RB1: variants seen among roughly 807,000 people sequenced by gnomAD.
The protein encoded by RB1 is RB transcriptional corepressor 1, also known as retinoblastoma-associated protein.
RB1 carries 18 observed loss-of-function variants against 135.4 expected under a neutral mutation model. The observed-to-expected ratio is 0.13, with a 90% CI of 0.09 to 0.20. RB1 has a LOEUF of 0.20. Ranked by LOEUF, RB1 falls within the 10% of genes least tolerant of loss-of-function variation. The probability of loss-of-function intolerance (pLI) is 1.00; values close to 1 mark genes in which losing one functional copy is unlikely to be tolerated. For synonymous variants in RB1, 365 were observed against 373.2 expected, an observed-to-expected ratio of 0.98 and a Z score of 0.25; for missense variants, 868 against 1,110.0, an observed-to-expected ratio of 0.78 and a Z score of 3.10.
intron 6 of RB1, among the ~76,000 whole-genome samples, chr13:48,354,285 C>G (rs1952572450): frequency 6.6e-6 from 1 of 151,988 alleles, no homozygotes; most frequent in Non-Finnish European, 1.5e-5. Context: ...TTTCTGTATG[C>G]CAACAGTGAA....
At chr13:48,476,914 C>A (rs1020840287) in intron 25 of RB1, 71 bp downstream of exon 25, 1 of 1,565,722 alleles carries the variant, frequency 6.4e-7, no homozygotes, top group Non-Finnish European at 8.8e-7. Context: ...CTCAGCACTG[C>A]TCCTGGCTTA....
chr13:48,417,271 T>A (rs966762904), intron 17 of RB1: 4 of 152,880 alleles, frequency 2.6e-5, no homozygotes, highest in African/African-American at 9.6e-5. Context: ...CTGCTGGTGA[T>A]ATCCAGACAA....
intron 8 of RB1, among the ~76,000 whole-genome samples, chr13:48,363,209 T>TG (rs923231105): frequency 2.6e-5 from 4 of 152,038 alleles, no homozygotes; most frequent in African/African-American, 9.7e-5. Context: ...ATGTAGTTTT[T>TG]TTTTTTTTTT....
chr13:48,372,058 G>C (rs898745200), intron 11 of RB1, among the ~76,000 whole-genome samples: 2 of 152,076 alleles, frequency 1.3e-5, no homozygotes, highest in African/African-American at 2.4e-5. Context: ...ACTCTCCATG[G>C]TCCATGGAAA....
chr13:48,459,667 T>A, intron 19 of RB1, 21 bp from the exon 20 acceptor site: 1 of 1,613,834 alleles, frequency 6.2e-7, no homozygotes, highest in South Asian at 1.1e-5. Context: ...TAAAAATGAC[T>A]AATTTTTCTT....
chr13:48,436,073 A>G (rs1949180511), intron 17 of RB1, among the ~76,000 whole-genome samples: 1 of 152,204 alleles, frequency 6.6e-6, no homozygotes, highest in African/African-American at 2.4e-5. Context: ...TAGGTCCTGG[A>G]TGGAACTGAG....
chr13:48,304,661 A>G (rs776945018), intron 1 of RB1, among the ~76,000 whole-genome samples: 1 of 152,216 alleles, frequency 6.6e-6, no homozygotes, highest in Non-Finnish European at 1.5e-5. Context: ...TGGGGACTCA[A>G]AGCCATCTGT....
chr13:48,463,878 C>A (rs2138342900), intron 21 of RB1, 43 bp downstream of exon 21: 4 of 1,164,812 alleles, frequency 3.4e-6, no homozygotes, highest in Non-Finnish European at 5.2e-6. Flanking sequence ...AAATCCATAT[C>A]CATAACATAA....
intron 2 of RB1, among the ~76,000 whole-genome samples, chr13:48,311,242 T>C (rs1952127474): frequency 6.6e-6 from 1 of 152,242 alleles, no homozygotes; most frequent in Non-Finnish European, 1.5e-5. Context: ...ATGTATGATA[T>C]ACATATCTCA....
At chr13:48,380,812 A>G (rs949922150) in intron 16 of RB1, among the ~76,000 whole-genome samples, 11 of 152,148 alleles carry the variant, frequency 7.2e-5, no homozygotes, top group Admixed American at 2.0e-4. Context: ...GTAAACAGAT[A>G]AGGAAAACTG....
At chr13:48,309,732 T>G (rs1342961590) in intron 2 of RB1, among the ~76,000 whole-genome samples, 1 of 152,202 alleles carries the variant, frequency 6.6e-6, no homozygotes, top group African/African-American at 2.4e-5. Context: ...GTGTTCCAAA[T>G]CTGTTTGCAA....
rs538400554 is a variant in RB1 at position 48,356,287 on chromosome 13, A to G, written c.608-3730A>G. ...ATTAAAAAGATGGGTAGTTGAGTGC[A>G]TTCACGAATATAATTTTCTAAAACT... On this transcript the variant is annotated intron_variant, in intron 6 of 26. Transcript: ENST00000267163. 3.3e-5 allele frequency among the ~76,000 whole-genome samples: 5 copies of G among 152,212 alleles called. No homozygotes were observed. The South Asian group carries it at 1.0e-3, about 32-fold the overall frequency.
chr13:48,419,726 A>T (rs1321981025), intron 17 of RB1, among the ~76,000 whole-genome samples: 1 of 152,240 alleles, frequency 6.6e-6, no homozygotes, highest in Admixed American at 6.5e-5. Flanking sequence ...ATCCCACAGA[A>T]ATACAAACTA....
chr13:48,407,816 G>A (rs1420450761), intron 17 of RB1, among the ~76,000 whole-genome samples: 2 of 152,100 alleles, frequency 1.3e-5, no homozygotes, highest in Non-Finnish European at 2.9e-5. Flanking sequence ...CCTAAGCACT[G>A]TTTATAAAAT....
intron 2 of RB1, among the ~76,000 whole-genome samples, chr13:48,342,021 G>A (rs77062156): frequency 0.024 from 3,615 of 152,002 alleles, 154 homozygotes; most frequent in African/African-American, 0.083. Flanking sequence ...AGAACTGACT[G>A]TATACTATAT....
intron 12 of RB1, among the ~76,000 whole-genome samples, chr13:48,376,481 C>T (rs1952825321): frequency 7.6e-6 from 1 of 131,646 alleles, no homozygotes; most frequent in Non-Finnish European, 1.5e-5. Flanking sequence ...GCCTGGGCGA[C>T]AGAGTGACAC....
intron 17 of RB1, among the ~76,000 whole-genome samples, chr13:48,434,353 G>A (rs749232090): frequency 4.6e-5 from 7 of 151,698 alleles, no homozygotes; most frequent in African/African-American, 1.5e-4. Context: ...TAATAAAAAC[G>A]GAGAAAAAAA....
At chr13:48,372,089 G>A (rs938619923) in intron 11 of RB1, among the ~76,000 whole-genome samples, 1 of 152,120 alleles carries the variant, frequency 6.6e-6, no homozygotes, top group Non-Finnish European at 1.5e-5. Flanking sequence ...CATGAAACCA[G>A]TCCCTGTTGC....
intron 17 of RB1, among the ~76,000 whole-genome samples, chr13:48,441,867 T>G (rs181991330): frequency 3.3e-5 from 5 of 152,308 alleles, no homozygotes; most frequent in African/African-American, 1.2e-4. Flanking sequence ...ATGACTTTAA[T>G]TTTGATCATT....
Sources: allele counts gnomAD v4.1 joint callset (sites outside exome capture counted in the v4.1 genomes callset), GRCh38; gene constraint gnomAD v4.1.1; transcripts MANE v1.5; gene names NCBI Gene and HGNC (gene_info 2026-07-23, HGNC 2026-07-21).